Variants in KCNIP1 observed in about 807,000 individuals in gnomAD.
KCNIP1 encodes potassium voltage-gated channel interacting protein 1.
A neutral mutation model predicts 33.0 loss-of-function variants in KCNIP1; 18 were observed. That is an observed-to-expected ratio of 0.55 (90% confidence interval 0.38 to 0.81). The LOEUF is 0.81. Among genes scored for constraint, KCNIP1 ranks in the 30% least tolerant of loss-of-function variants. KCNIP1 has a pLI of 0.00. For synonymous variants in KCNIP1, 93 were observed against 98.3 expected (o/e 0.95, Z 0.32); for missense variants, 238 against 271.6 (o/e 0.88, Z 0.87).
chr5:170,461,906 G>C (rs906734852), intron 1 of KCNIP1, among the ~76,000 whole-genome samples: 2 of 152,122 alleles, frequency 1.3e-5, no homozygotes, highest in East Asian at 1.9e-4. Context: ...TAATTGGCAA[G>C]CCACATGTAG....
At chr5:170,470,945 G>T (rs895446482) in intron 1 of KCNIP1, among the ~76,000 whole-genome samples, 3 of 152,168 alleles carry the variant, frequency 2.0e-5, no homozygotes, top group African/African-American at 7.2e-5. Context: ...CTTTCCATTT[G>T]GTGGAGGTCT....
chr5:170,714,739 T>A (rs1763586532), intron 1 of KCNIP1, among the ~76,000 whole-genome samples: 1 of 151,874 alleles, frequency 6.6e-6, no homozygotes, highest in South Asian at 2.1e-4. Context: ...AAAAAGCTTA[T>A]AAAATAAGAA....
intron 1 of KCNIP1, among the ~76,000 whole-genome samples, chr5:170,496,457 C>T (rs1217987065): frequency 2.6e-5 from 4 of 152,194 alleles, no homozygotes; most frequent in Admixed American, 2.6e-4. Context: ...TGCTTAACCT[C>T]TCTGTGCCTT....
In KCNIP1 at chr5:170,600,006, T is replaced by A. The variant is rs1758631430; in HGVS notation, c.61+95373T>A. Among the ~76,000 whole-genome samples the A allele has an allele frequency of 2.0e-5, 3 of 152,322 alleles. No homozygotes were observed. In the South Asian group the frequency reaches 6.2e-4, roughly 32 times the overall value. ...GATGACATTTATTGAGAGCACATGA[T>A]GTGCCAGGCATTGTTACAGGCACCA... On this transcript the variant is annotated intron_variant, in intron 1 of 7. Transcript: ENST00000328939.
At chr5:170,379,210 G>A (rs1419042663) in intron 1 of KCNIP1, among the ~76,000 whole-genome samples, 8 of 152,108 alleles carry the variant, frequency 5.3e-5, no homozygotes, top group Admixed American at 5.2e-4. Flanking sequence ...TACACACCTG[G>A]GCGCAGGTCC....
intron 1 of KCNIP1, among the ~76,000 whole-genome samples, chr5:170,360,475 C>T (rs911428853): frequency 6.6e-6 from 1 of 152,162 alleles, no homozygotes; most frequent in Non-Finnish European, 1.5e-5. Flanking sequence ...AGGCACAGGA[C>T]CTGGCTCATA....
chr5:170,572,756 A>T (rs1310918490), intron 1 of KCNIP1, among the ~76,000 whole-genome samples: 1 of 152,212 alleles, frequency 6.6e-6, no homozygotes, highest in African/African-American at 2.4e-5. Context: ...GTTGCTGCAC[A>T]TGTTTCTGTG....
chr5:170,656,570 C>T (rs1761273474), intron 1 of KCNIP1, among the ~76,000 whole-genome samples: 1 of 152,224 alleles, frequency 6.6e-6, no homozygotes, highest in African/African-American at 2.4e-5. Flanking sequence ...CTGTGAGCAC[C>T]CACAACTTCC....
At chr5:170,612,134 T>C (rs1308841705) in intron 1 of KCNIP1, among the ~76,000 whole-genome samples, 1 of 152,170 alleles carries the variant, frequency 6.6e-6, no homozygotes, top group Non-Finnish European at 1.5e-5. Flanking sequence ...AGCGAGCTCA[T>C]GGCCCACGGG....
At chr5:170,614,748 C>T (rs1479855606) in intron 1 of KCNIP1, among the ~76,000 whole-genome samples, 2 of 152,218 alleles carry the variant, frequency 1.3e-5, no homozygotes, top group African/African-American at 2.4e-5. Flanking sequence ...TCCCAGAAGC[C>T]TCCCATCCAC....
intron 1 of KCNIP1, among the ~76,000 whole-genome samples, chr5:170,412,455 C>T (rs1380700690): frequency 6.6e-6 from 1 of 152,052 alleles, no homozygotes; most frequent in Non-Finnish European, 1.5e-5. Flanking sequence ...TTGATCTGGC[C>T]CTCCAAGGGG....
intron 1 of KCNIP1, among the ~76,000 whole-genome samples, chr5:170,627,811 C>T (rs990140172): frequency 4.6e-5 from 7 of 152,232 alleles, no homozygotes; most frequent in African/African-American, 1.4e-4. Flanking sequence ...GGGAACTGCT[C>T]CTGCTTCGAG....
chr5:170,617,553 A>G (rs1759432871), intron 1 of KCNIP1, among the ~76,000 whole-genome samples: 1 of 152,132 alleles, frequency 6.6e-6, no homozygotes, highest in South Asian at 2.1e-4. Flanking sequence ...GCCCTTCTAG[A>G]GATAGTGTTC....
intron 1 of KCNIP1, among the ~76,000 whole-genome samples, chr5:170,569,694 T>C (rs1267783907): frequency 6.6e-6 from 1 of 151,888 alleles, no homozygotes; most frequent in Non-Finnish European, 1.5e-5. Flanking sequence ...CAGGGAGCTA[T>C]GATCACACCA....
chr5:170,711,499 A>AT (rs1266292660), intron 1 of KCNIP1, among the ~76,000 whole-genome samples: 1 of 152,214 alleles, frequency 6.6e-6, no homozygotes, highest in African/African-American at 2.4e-5. Context: ...GACGTCATGC[A>AT]TTTGTCAAAA....
At chr5:170,731,147 C>A (rs537699527) in intron 5 of KCNIP1, among the ~76,000 whole-genome samples, 43 of 152,262 alleles carry the variant, frequency 2.8e-4, no homozygotes, top group African/African-American at 1.0e-3. Context: ...GATACTAAAT[C>A]AGTAAGGAAA....
chr5:170,355,566 C>T (rs1165528284), intron 1 of KCNIP1, among the ~76,000 whole-genome samples: 3 of 152,146 alleles, frequency 2.0e-5, no homozygotes. Flanking sequence ...ATGGGGGAAT[C>T]ATGGGGGTCA....
intron 1 of KCNIP1, among the ~76,000 whole-genome samples, chr5:170,565,866 A>G (rs543834114): frequency 2.2e-4 from 33 of 152,344 alleles, no homozygotes; most frequent in Middle Eastern, 3.4e-3. Flanking sequence ...TCATCTTCAT[A>G]TGACACAGCA....
intron 1 of KCNIP1, among the ~76,000 whole-genome samples, chr5:170,431,370 T>C (rs1214580450): frequency 1.3e-5 from 2 of 152,210 alleles, no homozygotes; most frequent in African/African-American, 4.8e-5. Flanking sequence ...ATCAGGCTGC[T>C]GGAGGGCACA....
Sources: allele counts gnomAD v4.1 joint callset (sites outside exome capture counted in the v4.1 genomes callset), GRCh38; gene constraint gnomAD v4.1.1; transcripts MANE v1.5; gene names NCBI Gene and HGNC (gene_info 2026-07-23, HGNC 2026-07-21).